CHAT: variants seen among roughly 807,000 people sequenced by gnomAD.
CHAT encodes acetyl CoA:choline O-acetyltransferase.
In CHAT, 61 loss-of-function variants were observed where a neutral mutation model predicts 76.9. The ratio of observed to expected loss-of-function variants is 0.79; its 90% CI spans 0.65 to 0.98. The LOEUF (loss-of-function observed/expected upper bound fraction) is 0.98, where lower values mean the gene tolerates loss of function less well. Ranked by LOEUF, CHAT falls within the 50% of genes least tolerant of loss-of-function variation. CHAT has a pLI of 0.00. For synonymous variants in CHAT, 407 were observed against 397.4 expected, an observed-to-expected ratio of 1.02 and a Z score of -0.29; for missense variants, 946 against 986.9, an observed-to-expected ratio of 0.96 and a Z score of 0.56.
intron 10 of CHAT, among the ~76,000 whole-genome samples, chr10:49,650,344 C>T (rs563092268): frequency 6.6e-6 from 1 of 152,116 alleles, no homozygotes; most frequent in Admixed American, 6.5e-5. Context: ...CAGGCCAAAA[C>T]ATGTGATACA....
intron 1 of CHAT, 97 bp downstream of exon 1, chr10:49,614,572 GC>G: frequency 1.4e-6 from 1 of 702,952 alleles, no homozygotes; most frequent in Non-Finnish European, 2.2e-6. Context: ...GGGCCGAGAG[GC>G]CCCAGGACTC....
chr10:49,652,834 G>A (rs1196655251), intron 11 of CHAT, among the ~76,000 whole-genome samples: 1 of 147,650 alleles, frequency 6.8e-6, no homozygotes, highest in Non-Finnish European at 1.5e-5. Flanking sequence ...TGCCACCCAC[G>A]GAAGGTGTGC....
At chr10:49,627,582 A>G (rs1420703581) in intron 6 of CHAT, 26 bp from the exon 7 acceptor site, 3 of 1,613,528 alleles carry the variant, frequency 1.9e-6, no homozygotes, top group Non-Finnish European at 2.5e-6. Context: ...CCAACAAGTG[A>G]CATGTTTGAC....
At chr10:49,631,113 A>G (rs1839103504) in intron 7 of CHAT, among the ~76,000 whole-genome samples, 1 of 152,148 alleles carries the variant, frequency 6.6e-6, no homozygotes, top group African/African-American at 2.4e-5. Flanking sequence ...ACTGGTAGGG[A>G]CGGTGAAGGT....
intron 7 of CHAT, among the ~76,000 whole-genome samples, chr10:49,644,144 A>G (rs148273587): frequency 4.5e-4 from 68 of 152,308 alleles, no homozygotes; most frequent in African/African-American, 1.6e-3. Context: ...GTACTGCCAG[A>G]GGATGAGGGA....
intron 8 of CHAT, 121 bp from the exon 9 acceptor site, chr10:49,648,386 T>C (rs1242445414): frequency 1.2e-5 from 9 of 722,190 alleles, no homozygotes; most frequent in Non-Finnish European, 2.3e-5. Context: ...CAGGAAATAA[T>C]GTGCTCTGGT....
upstream of CHAT, chr10:49,610,815 G>T (rs1288731626): frequency 1.2e-6 from 2 of 1,601,940 alleles, no homozygotes; most frequent in Non-Finnish European, 1.7e-6. Context: ...GCGCGGCGCT[G>T]CAGGAGCCCC....
chr10:49,652,598 C>T lies in CHAT; in HGVS notation c.1634+592C>T, dbSNP rs557605819. Among the ~76,000 whole-genome samples the T allele has an allele frequency of 5.3e-5, 8 of 152,348 alleles. No individual in the cohort carries two copies. The South Asian group carries it at 1.7e-3, about 32-fold the overall frequency. ...GCCAACGGCAGCACTTCCCTAGGGT[C>T]ACTGCTTCCAGTGTTGCCCCTGGTA... On this transcript the variant is annotated intron_variant, in intron 11 of 14. Transcript: ENST00000337653.
In CHAT at chr10:49,659,995, G is replaced by A. The variant is rs1840143442; in HGVS notation, c.1840-2650G>A. 2.0e-5 allele frequency among the ~76,000 whole-genome samples: 3 copies of A among 152,208 alleles called. No homozygotes were observed. In the South Asian group the frequency reaches 6.2e-4, roughly 32 times the overall value. On this transcript the variant is annotated intron_variant, in intron 13 of 14. Coordinates refer to ENST00000337653, the MANE Select transcript of CHAT (RefSeq NM_020549.5). The stretch of plus-strand genomic sequence containing the variant: ...GAAATCTAATCATAGTACACTACAT[G>A]ACCCAGCTGTGAATACTTGCTTAAT...
intron 7 of CHAT, 128 bp from the exon 8 acceptor site, chr10:49,646,377 C>A: frequency 8.3e-7 from 1 of 1,206,880 alleles, no homozygotes; most frequent in Non-Finnish European, 1.2e-6. Flanking sequence ...GGGGTCAGGG[C>A]TGGCTCAAGA....
chr10:49,667,283 A>G lies in CHAT; in HGVS notation c.*2237A>G, dbSNP rs1347253427. On this transcript the variant is annotated 3_prime_UTR_variant, in exon 15 of 15. Transcript: ENST00000337653. ...GGTCAAGTAGGGGCAGGGAGGCTTC[A>G]TGGGGCCTACCTTTGGGATGACATT... Among the ~76,000 whole-genome samples, 1 of 152,166 alleles carries G rather than the reference A, an allele frequency of 6.6e-6. No individual in the cohort carries two copies. Among genetic ancestry groups the G allele is most frequent in the Non-Finnish European group, 1.5e-5 (1 of 68,020 alleles).
intron 11 of CHAT, among the ~76,000 whole-genome samples, chr10:49,652,892 C>T (rs2132823355): frequency 6.6e-6 from 1 of 152,184 alleles, no homozygotes; most frequent in African/African-American, 2.4e-5. Context: ...CCCTTTCCAG[C>T]CCAGTTTCCA....
chr10:49,616,656 T>C lies in CHAT; in HGVS notation c.387+54T>C. The C allele has an allele frequency of 4.7e-6, 6 of 1,266,992 alleles. No homozygotes were observed. The South Asian group carries it at 7.6e-5, about 16-fold the overall frequency. 78.5% of individuals were successfully genotyped at this position (1,266,992 alleles called of 1,614,324 possible). Reference sequence around the variant, plus strand: ...CCCTGCTTTCCCCACCTACATGCCCTTGCTTCTAGAACAGTCCTGAGTGGG... The same window carrying C: ...CCCTGCTTTCCCCACCTACATGCCCCTGCTTCTAGAACAGTCCTGAGTGGG... On this transcript the variant is annotated intron_variant, in intron 2 of 14. Transcript: ENST00000337653.
Position 49,646,527 on chromosome 10 carries a change from G to A in CHAT, c.1134G>A (p.Leu378=). Reference sequence around the variant, plus strand: ...CAGACTCCACCAACCGGGACTCGCTGGACATGATTGAGCGCTGCATCTGCC... The same window carrying A: ...CAGACTCCACCAACCGGGACTCGCTAGACATGATTGAGCGCTGCATCTGCC... ...LVKDSTNRDS[L]DMIERCICLV... is the part of the protein sequence containing the mutation. Residue 378 remains leucine (L), a synonymous_variant, in exon 8 of 15, where the codon CTG becomes CTA. Coordinates refer to ENST00000337653, the MANE Select transcript of CHAT (RefSeq NM_020549.5). The A allele has an allele frequency of 6.2e-7, 1 of 1,614,236 alleles. No individual in the cohort carries two copies. The highest frequency in any genetic ancestry group is 8.5e-7 in the Non-Finnish European group (1 of 1,180,042).
At position 49,627,777 on chromosome 10, in the gene CHAT, T is replaced by C. The variant is rs1838976840; in HGVS notation, c.1103T>C (p.Leu368Pro). 1.2e-6 allele frequency: 2 copies of C among 1,613,522 alleles called. No individual in the cohort carries two copies. Among genetic ancestry groups the C allele is most frequent in the African/African-American group, 1.3e-5 (1 of 74,922 alleles). ...GAGTGGGCCGAGGCCAGGACGGTCC[T>C]CGTGAAAGGTCAGCCGCAGTGCCCA... ...RSEWAEARTV[L>P]VKDSTNRDSL... The change falls in exon 7 of 15, where the codon CTC becomes CCC. Residue 368 changes from leucine to proline, a missense_variant. Transcript: ENST00000337653.
upstream of CHAT, chr10:49,611,433 C>T (rs1407074812): frequency 1.3e-6 from 2 of 1,597,778 alleles, no homozygotes; most frequent in Non-Finnish European, 1.7e-6. Flanking sequence ...CCCCGCCCTT[C>T]GGGGGCATCC....
chr10:49,658,056 C>T (rs1177322952), intron 13 of CHAT, among the ~76,000 whole-genome samples: 3 of 152,216 alleles, frequency 2.0e-5, no homozygotes, highest in Non-Finnish European at 4.4e-5. Context: ...CACCAACAAA[C>T]ATTTTTGCTA....
chr10:49,627,911 G>A, intron 7 of CHAT, 126 bp downstream of exon 7: 1 of 1,157,888 alleles, frequency 8.6e-7, no homozygotes, highest in Non-Finnish European at 1.2e-6. Context: ...AGGGCCCACA[G>A]CATGCCCTGC....
chr10:49,628,800 C>A (rs192792014), intron 7 of CHAT, among the ~76,000 whole-genome samples: 13 of 152,386 alleles, frequency 8.5e-5, no homozygotes, highest in Admixed American at 8.5e-4. Context: ...GGCAGGCAGA[C>A]CAACCCTGGG....
Sources: allele counts gnomAD v4.1 joint callset (sites outside exome capture counted in the v4.1 genomes callset), GRCh38; gene constraint gnomAD v4.1.1; transcripts MANE v1.5; gene names NCBI Gene and HGNC (gene_info 2026-07-23, HGNC 2026-07-21).